ITSN1: variants seen among roughly 807,000 people sequenced by gnomAD.
The protein encoded by ITSN1 is intersectin-1.
A neutral mutation model predicts 239.8 loss-of-function variants in ITSN1; 58 were observed. The ratio of observed to expected loss-of-function variants is 0.24; its 90% CI spans 0.20 to 0.30. The LOEUF (loss-of-function observed/expected upper bound fraction) is 0.30. Among genes scored for constraint, ITSN1 ranks in the 10% least tolerant of loss-of-function variants. The pLI, the probability that ITSN1 is intolerant of heterozygous loss-of-function variation, is 1.00. For synonymous variants in ITSN1, 780 were observed against 770.8 expected, an observed-to-expected ratio of 1.01 and a Z score of -0.20; for missense variants, 1,558 against 2,103.3, an observed-to-expected ratio of 0.74 and a Z score of 5.07.
chr21:33,690,836 TATGTAAAAGTTAAAA>T (rs2091506909), intron 1 of ITSN1, among the ~76,000 whole-genome samples: 1 of 51,598 alleles, frequency 1.9e-5, no homozygotes, highest in South Asian at 5.6e-4. Context: ...TATATATATA[TATGTAAAAGTTAAAA>T]AAAAAAAAAA....
chr21:33,667,325 TAA>T (rs1353082983), intron 1 of ITSN1, among the ~76,000 whole-genome samples: 1 of 152,112 alleles, frequency 6.6e-6, no homozygotes, highest in Non-Finnish European at 1.5e-5. Context: ...TTTAAGTGTA[TAA>T]AAGAGTCCTG....
In ITSN1 at chr21:33,897,885, A is replaced by G. The variant is rs1036248954; in HGVS notation, c.*9585A>G. ...ATATTAAAAAAAAATTCCAAGTTGT[A>G]TATGTTAGAAATCAAATGAGTCATT... is the stretch of plus-strand genomic sequence containing the variant. On this transcript the variant is annotated 3_prime_UTR_variant, in exon 40 of 40. Transcript: ENST00000381318. 14 of 152,162 alleles carry G rather than the reference A, an allele frequency of 9.2e-5. No individual in the cohort carries two copies. The highest frequency in any genetic ancestry group is 2.9e-4 in the African/African-American group (12 of 41,448). 9.4% of individuals were successfully genotyped at this position (152,162 alleles called of 1,614,324 possible). A position where few individuals can be genotyped will look rare whatever the true frequency, so the allele number is the denominator to read the frequency against.
intron 17 of ITSN1, among the ~76,000 whole-genome samples, chr21:33,796,839 G>A (rs1487783958): frequency 2.0e-5 from 3 of 152,174 alleles, no homozygotes; most frequent in Admixed American, 1.3e-4. Context: ...GTCTTTTACT[G>A]TGGGTTTCAG....
At position 33,811,050 on chromosome 21, in the gene ITSN1, A is replaced by G; in HGVS notation, c.2395A>G (p.Asn799Asp). The stretch of plus-strand genomic sequence containing the variant: ...AGGAAAGACAGGGTGGTTCCCTGCA[A>G]ACTATGCAGAGAAAATCCCAGAAAA... ...LKGKTGWFPANYAEKIPENEV... is the reference protein window; with the variant it reads ...LKGKTGWFPADYAEKIPENEV... The change falls in exon 21 of 40, where the codon AAC (asparagine) becomes GAC (aspartate). Residue 799 changes from asparagine to aspartate, a missense_variant. Asn to Asp is a conservative substitution (Grantham distance 23). Around this residue, in one of 2 missense-constraint regions of ITSN1, gnomAD observed 982 missense variants for 1,209.9 expected, o/e 0.81. Transcript: ENST00000381318. 6.2e-7 allele frequency: 1 copy of G among 1,614,140 alleles called. No individual in the cohort carries two copies. Among genetic ancestry groups the G allele is most frequent in the Non-Finnish European group, 8.5e-7 (1 of 1,179,992 alleles).
In ITSN1 at chr21:33,886,363, C is replaced by T. The variant is rs777961347; in HGVS notation, c.4920C>T (p.Asn1640=). The T allele has an allele frequency of 1.9e-6, 3 of 1,613,854 alleles. No individual in the cohort carries two copies. The East Asian group carries it at 6.7e-5, about 36-fold the overall frequency. Residue 1640 remains asparagine (N), a synonymous_variant, in exon 39 of 40, where the codon AAC becomes AAT. Coordinates refer to ENST00000381318, the MANE Select transcript of ITSN1 (RefSeq NM_003024.3). The stretch of plus-strand genomic sequence containing the variant: ...CCAAGACGATCCAGGACACTCTGAA[C>T]CCCAAGTGGAATTCCAACTGCCAGT... ...HITKTIQDTL[N]PKWNSNCQFF... is the part of the protein sequence containing the mutation.
chr21:33,820,442 T>G (rs191380239), intron 24 of ITSN1, among the ~76,000 whole-genome samples: 1 of 152,322 alleles, frequency 6.6e-6, no homozygotes, highest in East Asian at 1.9e-4. Context: ...TTGAATACAT[T>G]ACAGGAGAAT....
rs747021058 is a variant in ITSN1 at position 33,834,319 on chromosome 21, A to C, written c.3364A>C (p.Lys1122Gln). The change falls in exon 28 of 40, where the codon AAG (lysine) becomes CAG (glutamine). Residue 1122 changes from lysine (K) to glutamine (Q), a missense_variant. Around this residue, in one of 2 missense-constraint regions of ITSN1, gnomAD observed 576 missense variants for 893.3 expected, o/e 0.64. Coordinates refer to ENST00000381318, the MANE Select transcript of ITSN1 (RefSeq NM_003024.3). ...WEGELQARGK[K>Q]RQIGWFPANY... ...ATTTTCTTACTAGGCACGTGGGAAAAAGCGCCAGATAGGCTGGTTCCCAGC... is the reference window on the plus strand; with the variant it reads ...ATTTTCTTACTAGGCACGTGGGAAACAGCGCCAGATAGGCTGGTTCCCAGC... 1.2e-6 allele frequency: 2 copies of C among 1,613,554 alleles called. No individual in the cohort carries two copies. The highest frequency in any genetic ancestry group is 1.7e-6 in the Non-Finnish European group (2 of 1,179,708).
At chr21:33,694,952 C>T (rs902311200) in intron 1 of ITSN1, among the ~76,000 whole-genome samples, 9 of 152,174 alleles carry the variant, frequency 5.9e-5, no homozygotes, top group Admixed American at 1.3e-4. Flanking sequence ...ACTGCAGGTG[C>T]GTGCCATCAT....
At chr21:33,698,739 T>C (rs919624175) in intron 1 of ITSN1, among the ~76,000 whole-genome samples, 2 of 152,228 alleles carry the variant, frequency 1.3e-5, no homozygotes, top group Admixed American at 1.3e-4. Context: ...TGTGTACCTC[T>C]TGCCTTTATG....
intron 31 of ITSN1, among the ~76,000 whole-genome samples, chr21:33,862,396 C>T (rs1045221758): frequency 6.6e-6 from 1 of 151,632 alleles, no homozygotes; most frequent in Non-Finnish European, 1.5e-5. Context: ...CTTGTTTAAG[C>T]AGAAAATGAA....
At chr21:33,657,180 G>A (rs367875589) in intron 1 of ITSN1, among the ~76,000 whole-genome samples, 1 of 152,156 alleles carries the variant, frequency 6.6e-6, no homozygotes, top group East Asian at 1.9e-4. Flanking sequence ...CCCTGCCCCC[G>A]TTTTGGAATC....
chr21:33,777,932 C>G (rs930734313), intron 14 of ITSN1, among the ~76,000 whole-genome samples: 11 of 152,126 alleles, frequency 7.2e-5, no homozygotes, highest in Non-Finnish European at 1.3e-4. Flanking sequence ...CTTGTAAACA[C>G]CTTTTATCAG....
At chr21:33,829,012 C>T (rs911644535) in intron 26 of ITSN1, 6 of 471,062 alleles carry the variant, frequency 1.3e-5, no homozygotes, top group African/African-American at 4.0e-5. Context: ...TTTGCCCTGC[C>T]ATGATTTGCA....
chr21:33,750,268 C>T lies in ITSN1; in HGVS notation c.472C>T (p.Leu158=). The change falls in exon 6 of 40, where the codon CTG becomes TTG. Residue 158 remains leucine (L), a synonymous_variant. Transcript: ENST00000381318. ...SSVPTAAVPP[L]ANGAPPVIQP... ...TGTTCCCACAGCAGCTGTGCCCCCC[C>T]TGGCTAACGGGGCTCCCCCTGTTAT... 1.9e-6 allele frequency: 3 copies of T among 1,614,066 alleles called. No individual in the cohort carries two copies. Among genetic ancestry groups the T allele is most frequent in the Non-Finnish European group, 2.5e-6 (3 of 1,180,018 alleles).
At chr21:33,730,766 CT>C (rs1001368808) in intron 4 of ITSN1, among the ~76,000 whole-genome samples, 4 of 151,504 alleles carry the variant, frequency 2.6e-5, no homozygotes, top group African/African-American at 9.7e-5. Flanking sequence ...GAGGTGCTAT[CT>C]TAGGTCACTG....
At chr21:33,815,040 G>A (rs535214567) in intron 22 of ITSN1, among the ~76,000 whole-genome samples, 2 of 152,298 alleles carry the variant, frequency 1.3e-5, no homozygotes, top group South Asian at 4.1e-4. Context: ...AAATGAATGC[G>A]CAGTTAAAGG....
chr21:33,803,899 C>T (rs112865379), intron 20 of ITSN1, among the ~76,000 whole-genome samples: 294 of 152,240 alleles, frequency 1.9e-3, no homozygotes, highest in African/African-American at 6.6e-3. Flanking sequence ...AGCAGTGTTT[C>T]GATTTTGTAC....
chr21:33,668,262 A>C (rs555875240), intron 1 of ITSN1, among the ~76,000 whole-genome samples: 3 of 152,366 alleles, frequency 2.0e-5, no homozygotes, highest in African/African-American at 7.2e-5. Context: ...TAAGTGATAC[A>C]AATTGGAGTC....
At chr21:33,760,944 G>A (rs2068272857) in intron 8 of ITSN1, among the ~76,000 whole-genome samples, 1 of 151,844 alleles carries the variant, frequency 6.6e-6, no homozygotes, top group Non-Finnish European at 1.5e-5. Flanking sequence ...TGATGTCTAA[G>A]GCCACTTTCA....
Sources: allele counts gnomAD v4.1 joint callset (sites outside exome capture counted in the v4.1 genomes callset), GRCh38; gene constraint gnomAD v4.1.1; regional missense constraint gnomAD v4.1.1; transcripts MANE v1.5; gene names NCBI Gene and HGNC (gene_info 2026-07-23, HGNC 2026-07-21).